PATJ: variants seen among roughly 807,000 people sequenced by gnomAD.
PATJ encodes the protein inaD-like protein.
A neutral mutation model predicts 224.9 loss-of-function variants in PATJ; 190 were observed. That is an observed-to-expected ratio of 0.84 (90% CI 0.75 to 0.95). PATJ has a LOEUF of 0.95. PATJ is among the 40% of genes least tolerant of loss of function. The probability of loss-of-function intolerance (pLI) is 0.00; values close to 1 mark genes in which losing one functional copy is unlikely to be tolerated. For synonymous variants in PATJ, 769 were observed against 820.3 expected (o/e 0.94, Z 1.07); for missense variants, 2,121 against 2,270.3 (o/e 0.93, Z 1.34).
intron 27 of PATJ, among the ~76,000 whole-genome samples, chr1:61,983,429 CG>C (rs1644556835): frequency 6.6e-6 from 1 of 151,956 alleles, no homozygotes; most frequent in South Asian, 2.1e-4. Flanking sequence ...ATAATGTGCA[CG>C]TAGTAATTTG....
intron 27 of PATJ, among the ~76,000 whole-genome samples, chr1:61,984,823 C>T (rs1644656763): frequency 6.6e-6 from 1 of 151,998 alleles, no homozygotes; most frequent in Non-Finnish European, 1.5e-5. Flanking sequence ...TCTCAATGCT[C>T]TTATCTCTCT....
intron 29 of PATJ, among the ~76,000 whole-genome samples, chr1:62,037,341 T>A (rs1230992462): frequency 6.6e-6 from 1 of 152,020 alleles, no homozygotes; most frequent in East Asian, 1.9e-4. Context: ...AGAACCAGTA[T>A]TATAGGTTCT....
At chr1:61,899,559 A>T in intron 22 of PATJ, 24 bp from the exon 23 acceptor site, 2 of 1,556,972 alleles carry the variant, frequency 1.3e-6, no homozygotes, top group Middle Eastern at 1.7e-4. Flanking sequence ...AATTGTGTGT[A>T]TTTTTTTCTT....
intron 27 of PATJ, among the ~76,000 whole-genome samples, chr1:61,934,127 ATTG>A (rs1041653164): frequency 7.7e-6 from 1 of 129,036 alleles, no homozygotes; most frequent in African/African-American, 3.8e-5. Context: ...TGTTGTTGTT[ATTG>A]TTGTTGAGAT....
chr1:61,950,652 CTG>C (rs141537371), intron 27 of PATJ, among the ~76,000 whole-genome samples: 3,161 of 152,268 alleles, frequency 0.021, 77 homozygotes, highest in African/African-American at 0.053. Flanking sequence ...TCACGTCAAA[CTG>C]TGTTTAACAA....
chr1:62,011,683 T>G (rs1570009945), intron 28 of PATJ, among the ~76,000 whole-genome samples: 1 of 151,510 alleles, frequency 6.6e-6, no homozygotes. Context: ...GCCAGTAGAC[T>G]TGCTCAATGC....
At chr1:62,151,061 C>A (rs1315963649) in intron 42 of PATJ, among the ~76,000 whole-genome samples, 1 of 151,866 alleles carries the variant, frequency 6.6e-6, no homozygotes, top group Non-Finnish European at 1.5e-5. Context: ...ATCACTTGAA[C>A]CCGGGAGGCA....
Position 61,805,437 on chromosome 1 carries a change from TTAA to T in PATJ, c.1550-8_1550-6del. ...ATTCTCTCGCTCTCTCTCTTTTTTT[TTAA>T]TATCCAGAAAAAGTCCCAGACTCTC... is the stretch of plus-strand genomic sequence containing the variant. On this transcript the variant is annotated splice_polypyrimidine_tract_variant and splice_region_variant and intron_variant, in intron 12 of 43. Coordinates refer to ENST00000642238, the MANE Select transcript of PATJ (RefSeq NM_001350145.3). 6.4e-7 allele frequency: 1 copy of T among 1,566,298 alleles called. No individual in the cohort carries two copies. The highest frequency in any genetic ancestry group is 8.8e-7 in the Non-Finnish European group (1 of 1,138,772).
intron 12 of PATJ, among the ~76,000 whole-genome samples, 167 bp downstream of exon 12, chr1:61,801,936 C>A (rs1203813113): frequency 2.5e-4 from 33 of 130,868 alleles, no homozygotes; most frequent in Non-Finnish European, 5.0e-4. Flanking sequence ...TTTTTTTTTT[C>A]TTTTTTTTTT....
intron 33 of PATJ, among the ~76,000 whole-genome samples, chr1:62,096,609 A>G (rs910218049): frequency 2.6e-5 from 4 of 152,084 alleles, no homozygotes; most frequent in Non-Finnish European, 5.9e-5. Flanking sequence ...AATGGACAAG[A>G]CTGGTGTCAC....
At chr1:62,119,721 C>T (rs1664840263) in intron 37 of PATJ, among the ~76,000 whole-genome samples, 1 of 152,122 alleles carries the variant, frequency 6.6e-6, no homozygotes, top group Admixed American at 6.5e-5. Flanking sequence ...GGGCAGATCA[C>T]TTGAGGGCAG....
intron 28 of PATJ, among the ~76,000 whole-genome samples, chr1:61,992,171 G>A (rs180894745): frequency 1.7e-4 from 25 of 149,326 alleles, no homozygotes; most frequent in Non-Finnish European, 3.3e-4. Context: ...AGGCTGGAGT[G>A]CAATAGCACG....
At chr1:62,153,253 A>AT in intron 42 of PATJ, 105 bp from the exon 43 acceptor site, 1 of 858,950 alleles carries the variant, frequency 1.2e-6, no homozygotes, top group Non-Finnish European at 1.5e-6. Context: ...CAAACTTCAT[A>AT]GTTTTGCAGT....
At chr1:61,936,816 C>T (rs1676955179) in intron 27 of PATJ, among the ~76,000 whole-genome samples, 2 of 152,126 alleles carry the variant, frequency 1.3e-5, no homozygotes, top group Admixed American at 1.3e-4. Context: ...AAGTGATCTG[C>T]CCACGTCGGC....
chr1:62,134,653 T>C (rs900045122), intron 41 of PATJ, among the ~76,000 whole-genome samples: 29 of 152,070 alleles, frequency 1.9e-4, no homozygotes, highest in African/African-American at 7.0e-4. Context: ...CCTCTTTTCT[T>C]TATAAATATT....
intron 22 of PATJ, among the ~76,000 whole-genome samples, chr1:61,894,104 A>G (rs1210640512): frequency 5.3e-5 from 8 of 151,902 alleles, no homozygotes; most frequent in Middle Eastern, 3.2e-3. Context: ...AAAATACAAA[A>G]TTAGCCGGGC....
At chr1:61,826,245 C>T (rs987428512) in intron 15 of PATJ, among the ~76,000 whole-genome samples, 2 of 152,190 alleles carry the variant, frequency 1.3e-5, no homozygotes, top group African/African-American at 4.8e-5. Context: ...GGACCTGAGA[C>T]TCAGCCCGCT....
intron 7 of PATJ, among the ~76,000 whole-genome samples, chr1:61,784,927 A>G (rs1648184247): frequency 6.6e-6 from 1 of 151,940 alleles, no homozygotes; most frequent in Admixed American, 6.6e-5. Flanking sequence ...TTCTGAATTA[A>G]ATTGCATTTC....
intron 41 of PATJ, among the ~76,000 whole-genome samples, chr1:62,133,930 G>C (rs960347724): frequency 5.9e-5 from 9 of 151,836 alleles, no homozygotes; most frequent in African/African-American, 2.2e-4. Flanking sequence ...TATTTTAGTA[G>C]AGACAGGGTT....
Sources: allele counts gnomAD v4.1 joint callset (sites outside exome capture counted in the v4.1 genomes callset), GRCh38; gene constraint gnomAD v4.1.1; transcripts MANE v1.5; gene names NCBI Gene and HGNC (gene_info 2026-07-23, HGNC 2026-07-21).